HNRNPC: variants seen among roughly 807,000 people sequenced by gnomAD.
HNRNPC encodes the protein heterogeneous nuclear ribonucleoprotein C.
In HNRNPC, 3 loss-of-function variants were observed where a neutral mutation model predicts 33.2. The observed-to-expected ratio is 0.09, with a 90% CI of 0.04 to 0.23. The LOEUF is 0.23. HNRNPC is among the 10% of genes least tolerant of loss of function. The pLI is 1.00. For synonymous variants in HNRNPC, 121 were observed against 126.7 expected (o/e 0.96, Z 0.30); for missense variants, 143 against 366.7 (o/e 0.39, Z 4.98).
At chr14:21,223,746 T>TCAAAAAA (rs1390183852) in intron 5 of HNRNPC, among the ~76,000 whole-genome samples, 1 of 152,052 alleles carries the variant, frequency 6.6e-6, no homozygotes, top group African/African-American at 2.4e-5. Context: ...ACATCAGGTC[T>TCAAAAAA]CAAAAAACAA....
intron 2 of HNRNPC, among the ~76,000 whole-genome samples, chr14:21,243,343 A>C (rs1330685157): frequency 1.3e-5 from 2 of 152,214 alleles, no homozygotes; most frequent in Admixed American, 1.3e-4. Context: ...CAAACTTTGA[A>C]ATCATTCAGG....
rs1417987595 is a variant in HNRNPC at position 21,219,079 on chromosome 14, C to G, written c.366-5962G>C. Among the ~76,000 whole-genome samples, 13 of 136,242 alleles carry G rather than the reference C, an allele frequency of 9.5e-5. No individual in the cohort carries two copies. The Admixed American group carries it at 1.1e-3, about 11-fold the overall frequency. The allele number at this position is 136,242 out of a possible 152,430, so 89.4% of individuals were successfully genotyped here. A position where few individuals can be genotyped will look rare whatever the true frequency, so the allele number is the denominator to read the frequency against. On this transcript the variant is annotated intron_variant, in intron 5 of 8. Transcript: ENST00000553300. Reference sequence around the variant, plus strand: ...AAGCCAAGACCGCACCACTGCACTCCAGACTGGGAACAGAGCGAGACTCTT... The same window carrying G: ...AAGCCAAGACCGCACCACTGCACTCGAGACTGGGAACAGAGCGAGACTCTT...
At chr14:21,218,000 A>G (rs1212783040) in intron 5 of HNRNPC, among the ~76,000 whole-genome samples, 2 of 152,196 alleles carry the variant, frequency 1.3e-5, no homozygotes, top group African/African-American at 4.8e-5. Flanking sequence ...TCAATCATCA[A>G]TTCTGAAACT....
chr14:21,268,445 G>C (rs1216928834), intron 1 of HNRNPC, among the ~76,000 whole-genome samples: 1 of 152,140 alleles, frequency 6.6e-6, no homozygotes, highest in African/African-American at 2.4e-5. Flanking sequence ...TCTTGGCAAA[G>C]ATTGCAATAC....
At chr14:21,237,695 T>C (rs1352053794) in intron 2 of HNRNPC, among the ~76,000 whole-genome samples, 1 of 152,246 alleles carries the variant, frequency 6.6e-6, no homozygotes, top group African/African-American at 2.4e-5. Context: ...CCCTCAGTTC[T>C]TTCATGTAAC....
intron 3 of HNRNPC, among the ~76,000 whole-genome samples, chr14:21,232,642 C>T (rs2139647048): frequency 6.6e-6 from 1 of 152,318 alleles, no homozygotes; most frequent in Non-Finnish European, 1.5e-5. Flanking sequence ...GCTGGAATTA[C>T]AGGCATGAGC....
At chr14:21,212,469 C>CT (rs1891721352) in intron 6 of HNRNPC, among the ~76,000 whole-genome samples, 1 of 152,138 alleles carries the variant, frequency 6.6e-6, no homozygotes, top group Non-Finnish European at 1.5e-5. Context: ...AGTCAAATGA[C>CT]ATTTTTTAAA....
intron 2 of HNRNPC, among the ~76,000 whole-genome samples, chr14:21,246,011 A>G (rs1338805674): frequency 6.6e-6 from 1 of 151,980 alleles, no homozygotes; most frequent in Non-Finnish European, 1.5e-5. Flanking sequence ...ACGCCTGACT[A>G]CGGGGTTTGA....
intron 2 of HNRNPC, among the ~76,000 whole-genome samples, chr14:21,244,036 T>C (rs1033437096): frequency 6.6e-6 from 1 of 152,084 alleles, no homozygotes; most frequent in African/African-American, 2.4e-5. Context: ...TCCAAGTTTT[T>C]TTTTTTTTTA....
intron 5 of HNRNPC, among the ~76,000 whole-genome samples, chr14:21,226,340 AAAAAAG>A (rs1348337139): frequency 2.6e-5 from 4 of 151,660 alleles, no homozygotes; most frequent in African/African-American, 7.3e-5. Context: ...AAAAAAAAAA[AAAAAAG>A]AAAGAAAGAA....
At chr14:21,250,899 G>C (rs1054712170) in intron 2 of HNRNPC, among the ~76,000 whole-genome samples, 1 of 152,180 alleles carries the variant, frequency 6.6e-6, no homozygotes, top group African/African-American at 2.4e-5. Context: ...GTAGCTCCCA[G>C]ATGGTGATGA....
At chr14:21,238,040 G>T (rs1894916626) in intron 2 of HNRNPC, among the ~76,000 whole-genome samples, 1 of 152,090 alleles carries the variant, frequency 6.6e-6, no homozygotes. Context: ...CAAAGTGCTG[G>T]GATTACAGGT....
chr14:21,253,420 G>A (rs1418797422), intron 2 of HNRNPC, among the ~76,000 whole-genome samples: 1 of 128,770 alleles, frequency 7.8e-6, no homozygotes, highest in African/African-American at 3.0e-5. Flanking sequence ...CTTGCAGTGA[G>A]AGAGATCACG....
chr14:21,232,684 A>T (rs930229963), intron 3 of HNRNPC, among the ~76,000 whole-genome samples: 4 of 152,112 alleles, frequency 2.6e-5, no homozygotes, highest in Admixed American at 2.0e-4. Flanking sequence ...GATATCTTAA[A>T]CTTAATCTTA....
At chr14:21,255,998 A>C (rs1167167378) in intron 2 of HNRNPC, among the ~76,000 whole-genome samples, 2 of 152,222 alleles carry the variant, frequency 1.3e-5, no homozygotes, top group Non-Finnish European at 2.9e-5. Flanking sequence ...CAATGTGTTC[A>C]ATACAGTTAA....
At chr14:21,249,099 T>C (rs1896327147) in intron 2 of HNRNPC, among the ~76,000 whole-genome samples, 2 of 152,320 alleles carry the variant, frequency 1.3e-5, no homozygotes, top group East Asian at 3.9e-4. Flanking sequence ...TTTTCTCAAC[T>C]TTTCACTAAT....
chr14:21,267,761 C>T (rs1343731273), intron 1 of HNRNPC, among the ~76,000 whole-genome samples: 1 of 152,144 alleles, frequency 6.6e-6, no homozygotes, highest in African/African-American at 2.4e-5. Context: ...TCGAAAACCT[C>T]AAAGAAAAGT....
intron 2 of HNRNPC, among the ~76,000 whole-genome samples, chr14:21,251,107 A>G (rs1301078137): frequency 6.6e-6 from 1 of 151,686 alleles, no homozygotes; most frequent in Non-Finnish European, 1.5e-5. Flanking sequence ...TGAAAACACA[A>G]AAAATTAGCC....
intron 2 of HNRNPC, among the ~76,000 whole-genome samples, chr14:21,248,597 C>A (rs891264772): frequency 6.6e-6 from 1 of 151,964 alleles, no homozygotes; most frequent in African/African-American, 2.4e-5. Context: ...AAAAAATGGC[C>A]CAAGGACACA....
Sources: gnomAD v4.1 joint callset for allele counts (sites outside exome capture counted in the v4.1 genomes callset) on GRCh38, gnomAD v4.1.1 for gene constraint, MANE v1.5 for transcripts, NCBI Gene and HGNC (gene_info 2026-07-23, HGNC 2026-07-21) for gene names.